The following GNG2 variants were observed in gnomAD, a reference collection of about 807,000 sequenced individuals.
GNG2 encodes the protein guanine nucleotide-binding protein G(I)/G(S)/G(O) subunit gamma-2.
Under a neutral mutation model 5.5 loss-of-function variants are expected in GNG2, and 5 were observed. That is an observed-to-expected ratio of 0.91 (90% CI 0.48 to 1.92). The LOEUF is 1.92. GNG2 is among the 30% of genes most tolerant of loss of function. The probability of loss-of-function intolerance (pLI) is 0.01; values close to 1 mark genes in which losing one functional copy is unlikely to be tolerated. For missense variants in GNG2, 55 were observed against 88.4 expected (o/e 0.62, Z 1.52); for synonymous variants, 28 against 32.0 (o/e 0.88, Z 0.42).
intron 2 of GNG2, among the ~76,000 whole-genome samples, chr14:51,883,617 A>T (rs985042022): frequency 6.6e-6 from 1 of 152,226 alleles, no homozygotes; most frequent in African/African-American, 2.4e-5. Context: ...GTTTAAAATC[A>T]TATCCTTGGC....
At chr14:51,887,286 C>G (rs900869857) in intron 2 of GNG2, among the ~76,000 whole-genome samples, 1 of 152,180 alleles carries the variant, frequency 6.6e-6, no homozygotes, top group African/African-American at 2.4e-5. Context: ...CTCCCGACAT[C>G]AAAGGAAATG....
chr14:51,895,707 G>A (rs1481578624), intron 2 of GNG2, among the ~76,000 whole-genome samples: 1 of 152,228 alleles, frequency 6.6e-6, no homozygotes, highest in Non-Finnish European at 1.5e-5. Context: ...CACTGATATG[G>A]TTTGGCTATG....
intron 2 of GNG2, among the ~76,000 whole-genome samples, chr14:51,932,269 A>G (rs1383106717): frequency 0.042 from 6,203 of 146,092 alleles, 409 homozygotes; most frequent in African/African-American, 0.051. Flanking sequence ...AAAAAAAAAA[A>G]AAAGAAAAGA....
chr14:51,908,817 G>A (rs1886119621), intron 2 of GNG2, among the ~76,000 whole-genome samples: 1 of 145,014 alleles, frequency 6.9e-6, no homozygotes, highest in African/African-American at 2.6e-5. Flanking sequence ...TGACCCAGTG[G>A]TCTATCCATC....
chr14:51,854,161 A>T (rs927777613), intron 2 of GNG2, among the ~76,000 whole-genome samples: 8 of 152,158 alleles, frequency 5.3e-5, no homozygotes, highest in African/African-American at 1.7e-4. Context: ...GACGTGAGCC[A>T]CCATGCCCGG....
rs368161142 is a variant in GNG2 at position 51,872,031 on chromosome 14, C to G, written c.-70-5586C>G. Among the ~76,000 whole-genome samples the G allele has an allele frequency of 1.1e-4, 17 of 152,274 alleles. No individual in the cohort carries two copies. The East Asian group carries it at 2.3e-3, about 21-fold the overall frequency. ...AGCCATAAGAACCGGCAGGTGAGTG[C>G]AGTGGTTGAAGGATAGAAGTGTTCT... On this transcript the variant is annotated intron_variant, in intron 1 of 3. Coordinates refer to ENST00000556766, the MANE Select transcript of GNG2 (RefSeq NM_053064.5).
intron 2 of GNG2, among the ~76,000 whole-genome samples, chr14:51,948,264 G>A (rs888958504): frequency 1.4e-4 from 22 of 152,290 alleles, no homozygotes; most frequent in Admixed American, 1.0e-3. Flanking sequence ...AAAAAGTGTC[G>A]TTACTAATGA....
At chr14:51,922,996 G>A (rs1430499452) in intron 2 of GNG2, among the ~76,000 whole-genome samples, 1 of 152,178 alleles carries the variant, frequency 6.6e-6, no homozygotes, top group South Asian at 2.1e-4. Context: ...GCCAACATAC[G>A]TTTTGTTAGC....
At chr14:51,964,697 A>G (rs1368073643) in intron 3 of GNG2, among the ~76,000 whole-genome samples, 1 of 152,178 alleles carries the variant, frequency 6.6e-6, no homozygotes, top group Non-Finnish European at 1.5e-5. Context: ...CCAACCAGTA[A>G]ATCATAAAGT....
chr14:51,847,346 C>T (rs1315581105), intron 2 of GNG2: 1 of 152,264 alleles, frequency 6.6e-6, no homozygotes, highest in East Asian at 1.9e-4. Flanking sequence ...TTGGCAGATT[C>T]TCTGACACTT....
At chr14:51,931,427 G>C (rs1489668722) in intron 2 of GNG2, among the ~76,000 whole-genome samples, 1 of 152,214 alleles carries the variant, frequency 6.6e-6, no homozygotes, top group African/African-American at 2.4e-5. Context: ...TTCACATAGA[G>C]AGGGTGAGTA....
chr14:51,908,527 G>GATCTATCT (rs10624821), intron 2 of GNG2, among the ~76,000 whole-genome samples: 22,722 of 149,548 alleles, frequency 0.15, 1,891 homozygotes, highest in Non-Finnish European at 0.19. Context: ...ATATTTTAAA[G>GATCTATCT]ATCTATCTAT....
At chr14:51,860,258 A>G (rs1468904525), upstream of GNG2, among the ~76,000 whole-genome samples, 1 of 151,960 alleles carries the variant, frequency 6.6e-6, no homozygotes, top group Non-Finnish European at 1.5e-5. Context: ...CAACAACAGC[A>G]AGAACAACAA....
chr14:51,960,628 G>T (rs1889556282), intron 3 of GNG2, among the ~76,000 whole-genome samples: 2 of 136,586 alleles, frequency 1.5e-5, no homozygotes, highest in South Asian at 5.2e-4. Flanking sequence ...AATAACAATT[G>T]TTACTTTTGT....
chr14:51,871,917 C>T (rs916748288), intron 1 of GNG2, among the ~76,000 whole-genome samples: 2 of 152,222 alleles, frequency 1.3e-5, no homozygotes, highest in Non-Finnish European at 2.9e-5. Context: ...TAGGCTTCCA[C>T]TTCCCAGTCT....
rs1885147937 is a variant in GNG2 at position 51,895,725 on chromosome 14, A to C, written c.-30+18068A>C. 2.0e-5 allele frequency among the ~76,000 whole-genome samples: 3 copies of C among 152,192 alleles called. No individual in the cohort carries two copies. In the South Asian group the frequency reaches 6.2e-4, roughly 31 times the overall value. Reference sequence around the variant, plus strand: ...TGATATGGTTTGGCTATGTGTCCCCACCCAAATCTCATCTTGTAGCTCCCA... The same window carrying C: ...TGATATGGTTTGGCTATGTGTCCCCCCCCAAATCTCATCTTGTAGCTCCCA... On this transcript the variant is annotated intron_variant, in intron 2 of 3. Coordinates refer to ENST00000556766, the MANE Select transcript of GNG2 (RefSeq NM_053064.5).
intron 2 of GNG2, among the ~76,000 whole-genome samples, chr14:51,901,802 T>G (rs1885579832): frequency 6.6e-6 from 1 of 151,936 alleles, no homozygotes; most frequent in African/African-American, 2.4e-5. Flanking sequence ...GGCATTAGCA[T>G]CCAGGTATAT....
chr14:51,904,862 GAT>G (rs1373073659), intron 2 of GNG2, among the ~76,000 whole-genome samples: 5 of 152,184 alleles, frequency 3.3e-5, no homozygotes, highest in Middle Eastern at 3.2e-3. Flanking sequence ...TGTGCCCATT[GAT>G]ATATGAGACA....
intron 2 of GNG2, among the ~76,000 whole-genome samples, chr14:51,915,924 C>G (rs1415637598): frequency 6.6e-6 from 1 of 152,136 alleles, no homozygotes; most frequent in African/African-American, 2.4e-5. Context: ...TTTCAGGTAA[C>G]AATATTTGCT....
Sources: allele counts gnomAD v4.1 joint callset (sites outside exome capture counted in the v4.1 genomes callset), GRCh38; gene constraint gnomAD v4.1.1; transcripts MANE v1.5; gene names NCBI Gene and HGNC (gene_info 2026-07-23, HGNC 2026-07-21).